The following GRM8 variants were observed in gnomAD, a reference collection of about 807,000 sequenced individuals.
GRM8 encodes metabotropic glutamate receptor 8.
A neutral mutation model predicts 87.2 loss-of-function variants in GRM8; 47 were observed. The observed-to-expected ratio is 0.54, with a 90% CI of 0.43 to 0.69. The LOEUF is 0.69. GRM8 is among the 30% of genes least tolerant of loss of function. The pLI is 0.00. For synonymous variants in GRM8, 396 were observed against 404.5 expected (o/e 0.98, Z 0.25); for missense variants, 1,019 against 1,139.2 (o/e 0.89, Z 1.52).
rs77120172 is a variant in GRM8, at chr7:126,810,993, A to G, written c.1157-40928T>C. 2.6e-5 allele frequency among the ~76,000 whole-genome samples: 4 copies of G among 152,244 alleles called. No homozygotes were observed. In the East Asian group the frequency reaches 7.7e-4, roughly 29 times the overall value. The stretch of plus-strand genomic sequence containing the variant: ...CCCTAGGTTTTCTTCAAGTATTGTT[A>G]TAGTATCAGGTCTCACATTTAAGTC... On this transcript the variant is annotated intron_variant, in intron 6 of 10. Coordinates refer to ENST00000339582, the MANE Select transcript of GRM8 (RefSeq NM_000845.3).
intron 7 of GRM8, among the ~76,000 whole-genome samples, chr7:126,669,734 T>C (rs1253455114): frequency 6.6e-6 from 1 of 152,226 alleles, no homozygotes; most frequent in Non-Finnish European, 1.5e-5. Context: ...GGGGTTACCA[T>C]TATAACAGGT....
intron 2 of GRM8, among the ~76,000 whole-genome samples, chr7:127,212,025 G>T (rs1438072557): frequency 6.6e-6 from 1 of 152,114 alleles, no homozygotes; most frequent in Non-Finnish European, 1.5e-5. Context: ...AATAAGAATT[G>T]TTCCATTATA....
chr7:126,439,691 A>T (rs528331654), intron 10 of GRM8, among the ~76,000 whole-genome samples: 264 of 152,206 alleles, frequency 1.7e-3, no homozygotes, highest in Non-Finnish European at 3.0e-3. Context: ...CTCCAGGGGT[A>T]TTCCCGAATA....
intron 3 of GRM8, among the ~76,000 whole-genome samples, chr7:127,007,534 T>C (rs1329719527): frequency 6.6e-6 from 1 of 152,060 alleles, no homozygotes; most frequent in African/African-American, 2.4e-5. Context: ...TAGCAATGTT[T>C]TATCACTAGT....
At chr7:126,900,248 G>A (rs185253659) in intron 6 of GRM8, among the ~76,000 whole-genome samples, 17 of 152,236 alleles carry the variant, frequency 1.1e-4, no homozygotes, top group Non-Finnish European at 1.8e-4. Context: ...CAAAATTCAA[G>A]TTTATTCCCA....
chr7:126,686,181 G>T (rs1473630221), intron 7 of GRM8, among the ~76,000 whole-genome samples: 1 of 151,956 alleles, frequency 6.6e-6, no homozygotes, highest in East Asian at 1.9e-4. Context: ...GGATGCCCTG[G>T]CTACAGAGAG....
intron 7 of GRM8, among the ~76,000 whole-genome samples, chr7:126,751,859 G>A (rs921164191): frequency 1.3e-5 from 2 of 152,142 alleles, no homozygotes; most frequent in Admixed American, 6.6e-5. Context: ...CACTGTATGT[G>A]AGAAAGCACA....
intron 6 of GRM8, among the ~76,000 whole-genome samples, chr7:126,802,978 G>A (rs745769626): frequency 5.9e-5 from 9 of 152,122 alleles, no homozygotes; most frequent in Non-Finnish European, 1.0e-4. Context: ...TAAATGTACA[G>A]GTCGTTCTTA....
chr7:126,440,116 T>G (rs2150440052), intron 10 of GRM8, among the ~76,000 whole-genome samples: 1 of 151,876 alleles, frequency 6.6e-6, no homozygotes, highest in South Asian at 2.1e-4. Flanking sequence ...TGTAGAGTTT[T>G]TATAATATCT....
Position 127,217,560 on chromosome 7 carries a change from C to T in GRM8, c.510+25135G>A, listed in dbSNP as rs150847927. Among the ~76,000 whole-genome samples the T allele has an allele frequency of 8.2e-4, 125 of 152,322 alleles. 1 individual carries two copies. Among genetic ancestry groups the T allele is most frequent in the African/African-American group, 2.9e-3 (119 of 41,574 alleles). On this transcript the variant is annotated intron_variant, in intron 2 of 10. Transcript: ENST00000339582. ...CCAAATATCAAAGTCCTGTTTCAGA[C>T]TTTCCCATTAACTAATCATATGGTT...
At chr7:126,916,642 T>C (rs1803934662) in intron 3 of GRM8, among the ~76,000 whole-genome samples, 2 of 152,212 alleles carry the variant, frequency 1.3e-5, no homozygotes, top group South Asian at 4.1e-4. Flanking sequence ...GTATTAGCTT[T>C]CAAACAGTGA....
At chr7:126,625,456 A>T (rs541927107) in intron 7 of GRM8, among the ~76,000 whole-genome samples, 1 of 152,238 alleles carries the variant, frequency 6.6e-6, no homozygotes, top group Admixed American at 6.5e-5. Context: ...ACGACAAGAA[A>T]TGTAGTTGAA....
At chr7:126,529,733 T>C (rs1299458225) in intron 9 of GRM8, among the ~76,000 whole-genome samples, 1 of 152,206 alleles carries the variant, frequency 6.6e-6, no homozygotes, top group Non-Finnish European at 1.5e-5. Flanking sequence ...TGATAAAATA[T>C]GTGTTTTAGA....
At chr7:126,701,013 TCTTC>T (rs1809861648) in intron 7 of GRM8, among the ~76,000 whole-genome samples, 2 of 152,152 alleles carry the variant, frequency 1.3e-5, no homozygotes, top group Admixed American at 1.3e-4. Flanking sequence ...TTCCTTCTTT[TCTTC>T]CTTCCTTCTT....
chr7:126,753,659 C>A (rs549191983), intron 7 of GRM8, among the ~76,000 whole-genome samples: 20 of 151,664 alleles, frequency 1.3e-4, no homozygotes, highest in Non-Finnish European at 2.7e-4. Context: ...TTATTAGGAG[C>A]TTATCATCTT....
intron 2 of GRM8, among the ~76,000 whole-genome samples, chr7:127,107,163 G>A (rs180794244): frequency 4.6e-5 from 7 of 152,214 alleles, no homozygotes; most frequent in African/African-American, 1.7e-4. Flanking sequence ...TTTAATATAA[G>A]ATTTTTTTAT....
At chr7:126,853,323 T>C (rs1055604932) in intron 6 of GRM8, among the ~76,000 whole-genome samples, 4 of 152,180 alleles carry the variant, frequency 2.6e-5, no homozygotes, top group Admixed American at 1.3e-4. Context: ...AGGTGTTTTT[T>C]TTGTTTGTTT....
At chr7:126,902,194 T>C (rs1194056751) in intron 6 of GRM8, among the ~76,000 whole-genome samples, 4 of 152,210 alleles carry the variant, frequency 2.6e-5, no homozygotes, top group Non-Finnish European at 5.9e-5. Flanking sequence ...ATGATACATA[T>C]TACATTTTGA....
intron 8 of GRM8, among the ~76,000 whole-genome samples, chr7:126,567,888 A>C (rs1794373110): frequency 6.6e-6 from 1 of 152,130 alleles, no homozygotes; most frequent in South Asian, 2.1e-4. Flanking sequence ...TCTAGTTTAC[A>C]GTGGAGGATG....
Sources: gnomAD v4.1 joint callset for allele counts (sites outside exome capture counted in the v4.1 genomes callset) on GRCh38, gnomAD v4.1.1 for gene constraint, MANE v1.5 for transcripts, NCBI Gene and HGNC (gene_info 2026-07-23, HGNC 2026-07-21) for gene names.